Variants in PRPF18 observed in about 807,000 individuals in gnomAD.
PRPF18 encodes pre-mRNA-splicing factor 18.
In PRPF18, 38 loss-of-function variants were observed where a neutral mutation model predicts 46.5. That is an observed-to-expected ratio of 0.82 (90% CI 0.63 to 1.07). PRPF18 has a LOEUF of 1.07. PRPF18 is among the 50% of genes least tolerant of loss of function. The pLI is 0.00. For missense variants in PRPF18, 263 were observed against 410.0 expected (o/e 0.64, Z 3.10); for synonymous variants, 152 against 146.7 (o/e 1.04, Z -0.26).
At chr10:13,618,202 C>A (rs1448888670) in intron 9 of PRPF18, among the ~76,000 whole-genome samples, 1 of 152,054 alleles carries the variant, frequency 6.6e-6, no homozygotes, top group African/African-American at 2.4e-5. Flanking sequence ...AACTGCTATT[C>A]TAGAAGTTCT....
At chr10:13,645,794 C>G in the PRPF18 span, 1 of 152,628 alleles carries the variant, frequency 6.6e-6, no homozygotes, top group Non-Finnish European at 1.5e-5. Flanking sequence ...CACACAAGTG[C>G]TAACGAACAG....
At chr10:13,615,907 G>A (rs1470930166) in intron 8 of PRPF18, among the ~76,000 whole-genome samples, 1 of 152,146 alleles carries the variant, frequency 6.6e-6, no homozygotes, top group Non-Finnish European at 1.5e-5. Context: ...GTGGTCGTCG[G>A]CACATACTGA....
At chr10:13,587,854 A>G (rs1230783215) in intron 1 of PRPF18, among the ~76,000 whole-genome samples, 3 of 152,036 alleles carry the variant, frequency 2.0e-5, no homozygotes, top group South Asian at 2.1e-4. Flanking sequence ...GTTTTGTCCA[A>G]TTCTTTGTTC....
At position 13,589,465 on chromosome 10, in the gene PRPF18, C is replaced by T. The variant is rs12412121; in HGVS notation, c.66+2313C>T. On this transcript the variant is annotated intron_variant, in intron 1 of 9. Transcript: ENST00000378572. Reference sequence around the variant, plus strand: ...ACTTAATAAAAATAGTAATTTTACTCCTTTATCATAAGGAGTAAATTTGTT... The same window carrying T: ...ACTTAATAAAAATAGTAATTTTACTTCTTTATCATAAGGAGTAAATTTGTT... Among the ~76,000 whole-genome samples, 805 of 152,272 alleles carry T rather than the reference C, an allele frequency of 5.3e-3. 27 individuals are homozygous for T. Among genetic ancestry groups the T allele is most frequent in the Admixed American group, 0.047 (721 of 15,296 alleles).
At chr10:13,592,035 T>C (rs745741619) in intron 1 of PRPF18, 4 of 625,730 alleles carry the variant, frequency 6.4e-6, no homozygotes, top group Non-Finnish European at 1.1e-5. Context: ...ACCATTCTTG[T>C]CACCACCAAC....
At chr10:13,645,453 G>A in the PRPF18 span, 4 of 151,118 alleles carry the variant, frequency 2.6e-5, no homozygotes, top group East Asian at 2.0e-4. Context: ...AACTAAAGTC[G>A]TGCACTTGTT....
chr10:13,612,423 A>C (rs1284005039), intron 6 of PRPF18, among the ~76,000 whole-genome samples: 1 of 151,596 alleles, frequency 6.6e-6, no homozygotes, highest in African/African-American at 2.4e-5. Context: ...ACACCCGACT[A>C]GTTTTTGTAT....
intron 1 of PRPF18, among the ~76,000 whole-genome samples, chr10:13,596,209 G>C (rs921519009): frequency 1.3e-5 from 2 of 152,132 alleles, no homozygotes; most frequent in Non-Finnish European, 2.9e-5. Flanking sequence ...GGCTAGTTTT[G>C]TAAAATGTCT....
At chr10:13,605,579 CAA>C (rs34754785) in intron 3 of PRPF18, 50 bp from the exon 4 acceptor site, 13,044 of 1,096,008 alleles carry the variant, frequency 0.012, no homozygotes, top group East Asian at 0.029. Context: ...GAGACTGTCT[CAA>C]AAAAAAAAAA....
downstream of PRPF18, chr10:13,631,150 G>C (rs1382697747): frequency 6.6e-6 from 1 of 152,358 alleles, no homozygotes; most frequent in East Asian, 1.9e-4. Context: ...CCCGCCAACA[G>C]AGGAGGAAGG....
chr10:13,595,305 G>GT (rs1165789238), intron 1 of PRPF18, among the ~76,000 whole-genome samples: 1 of 152,198 alleles, frequency 6.6e-6, no homozygotes, highest in African/African-American at 2.4e-5. Context: ...ATTTTGTTAG[G>GT]TGTGTTCAAT....
chr10:13,607,568 T>C (rs1018376497), intron 4 of PRPF18, among the ~76,000 whole-genome samples: 2 of 152,168 alleles, frequency 1.3e-5, no homozygotes, highest in East Asian at 3.9e-4. Context: ...TGTGCCACCA[T>C]GCCTGGCTGA....
chr10:13,592,100 G>A lies in PRPF18; in HGVS notation c.66+4948G>A, dbSNP rs1010726852. On this transcript the variant is annotated intron_variant, in intron 1 of 9. Coordinates refer to ENST00000378572, the MANE Select transcript of PRPF18 (RefSeq NM_003675.4). ...TTTTCTTTTCAACCTCGTACTTAGC[G>A]GCTGAGTACTTCCTCTTATACACAG... The A allele has an allele frequency of 2.6e-5, 15 of 582,068 alleles. No individual in the cohort carries two copies. In the Admixed American group the frequency reaches 2.7e-4, roughly 10 times the overall value. The allele number at this position is 582,068 out of a possible 1,614,324, so 36.1% of individuals were successfully genotyped here.
rs1396999689 is a variant in PRPF18 at position 13,630,441 on chromosome 10, T to G, written c.*101T>G. The G allele has an allele frequency of 1.1e-6, 1 of 936,670 alleles. No individual in the cohort carries two copies. Among genetic ancestry groups the G allele is most frequent in the African/African-American group, 1.7e-5 (1 of 59,716 alleles). 58.0% of individuals were successfully genotyped at this position (936,670 alleles called of 1,614,324 possible). On this transcript the variant is annotated 3_prime_UTR_variant, in exon 10 of 10. Coordinates refer to ENST00000378572, the MANE Select transcript of PRPF18 (RefSeq NM_003675.4). The stretch of plus-strand genomic sequence containing the variant: ...AATGAGGAAAGAAGAAAACTGGAGT[T>G]TCCAGTCTCTGAGTTCTACCTGATG...
chr10:13,610,491 G>T (rs1342440295), intron 5 of PRPF18, among the ~76,000 whole-genome samples: 2 of 152,166 alleles, frequency 1.3e-5, no homozygotes, highest in East Asian at 1.9e-4. Flanking sequence ...ATGTTATGCT[G>T]TGAAATTCTT....
At chr10:13,622,653 C>G (rs1306529489) in intron 9 of PRPF18, among the ~76,000 whole-genome samples, 1 of 152,228 alleles carries the variant, frequency 6.6e-6, no homozygotes, top group Non-Finnish European at 1.5e-5. Context: ...GCAGCAGAGT[C>G]TGTTTCTTAC....
intron 9 of PRPF18, among the ~76,000 whole-genome samples, chr10:13,619,045 T>C (rs1189657993): frequency 6.6e-6 from 1 of 152,196 alleles, no homozygotes; most frequent in Non-Finnish European, 1.5e-5. Context: ...GTAAGGAGCA[T>C]GCAACCTCGA....
chr10:13,653,560 C>G, the PRPF18 span: 7 of 152,282 alleles, frequency 4.6e-5, no homozygotes. Context: ...TTGTGCTTTT[C>G]TCATGATTCA....
chr10:13,653,886 G>A, the PRPF18 span: 1 of 164,972 alleles, frequency 6.1e-6, no homozygotes, highest in Non-Finnish European at 1.3e-5. Flanking sequence ...TAATTTTGTT[G>A]TGTGCAGCTT....
Sources: allele counts gnomAD v4.1 joint callset (sites outside exome capture counted in the v4.1 genomes callset), GRCh38; gene constraint gnomAD v4.1.1; transcripts MANE v1.5; gene names NCBI Gene and HGNC (gene_info 2026-07-23, HGNC 2026-07-21).